Variants in GPR55 observed in about 807,000 individuals in gnomAD.
GPR55 encodes G protein-coupled receptor 55.
A neutral mutation model predicts 7.9 loss-of-function variants in GPR55; 6 were observed. That is an observed-to-expected ratio of 0.76 (90% CI 0.41 to 1.49). The LOEUF (loss-of-function observed/expected upper bound fraction) is 1.49, where lower values mean the gene tolerates loss of function less well. GPR55 is among the 40% of genes most tolerant of loss of function. The pLI is 0.01. For missense variants in GPR55, 376 were observed against 406.0 expected (o/e 0.93, Z 0.63); for synonymous variants, 183 against 166.8 (o/e 1.10, Z -0.75).
At chr2:230,921,729 T>C (rs1212104655) in intron 1 of GPR55, among the ~76,000 whole-genome samples, 1 of 152,046 alleles carries the variant, frequency 6.6e-6, no homozygotes, top group East Asian at 1.9e-4. Context: ...ATCCTGGAAG[T>C]GGAATGGGAG....
intron 1 of GPR55, among the ~76,000 whole-genome samples, chr2:230,940,561 C>A (rs972658326): frequency 2.0e-5 from 3 of 152,194 alleles, no homozygotes; most frequent in Admixed American, 6.5e-5. Context: ...TAGGGAGGAG[C>A]CAGTCCACAC....
intron 1 of GPR55, among the ~76,000 whole-genome samples, chr2:230,943,331 C>T (rs1691262742): frequency 6.6e-6 from 1 of 152,184 alleles, no homozygotes; most frequent in Admixed American, 6.5e-5. Flanking sequence ...CCTTCCAGAG[C>T]AGCCCCTCCT....
At chr2:230,919,576 A>G (rs2918006) in intron 1 of GPR55, among the ~76,000 whole-genome samples, 18,213 of 152,230 alleles carry the variant, frequency 0.12, 1,108 homozygotes, top group Middle Eastern at 0.16. Flanking sequence ...TATGCTAGTA[A>G]GTGTACAAAT....
intron 1 of GPR55, among the ~76,000 whole-genome samples, chr2:230,937,588 T>A (rs1415593016): frequency 6.6e-6 from 1 of 151,714 alleles, no homozygotes; most frequent in Non-Finnish European, 1.5e-5. Context: ...AGCTTTTTGC[T>A]GGAGTGCTGA....
Position 230,944,751 on chromosome 2 carries a change from A to G in GPR55, c.-135+16024T>C, listed in dbSNP as rs906334522. 5.3e-5 allele frequency among the ~76,000 whole-genome samples: 8 copies of G among 152,302 alleles called. No homozygotes were observed. The South Asian group carries it at 1.2e-3, about 24-fold the overall frequency. The stretch of plus-strand genomic sequence containing the variant: ...TACCAGAAAAATTAAAAATAAAAAT[A>G]ACAAATTCACATTCCGCTTGTTCAT... On this transcript the variant is annotated intron_variant, in intron 1 of 1. Transcript: ENST00000392039. The surrounding 1 kb of genome is among the most constrained non-coding windows in gnomAD (Gnocchi z 4.2).
At chr2:230,955,156 A>G (rs749185549) in intron 1 of GPR55, among the ~76,000 whole-genome samples, 1 of 152,244 alleles carries the variant, frequency 6.6e-6, no homozygotes, top group Non-Finnish European at 1.5e-5. Context: ...TATGATCTCC[A>G]TCTACTTTGA....
intron 1 of GPR55, among the ~76,000 whole-genome samples, chr2:230,932,890 T>TGCGC (rs139047615): frequency 0.011 from 1,636 of 152,198 alleles, 18 homozygotes; most frequent in African/African-American, 0.036. Flanking sequence ...CTCTCTTGCA[T>TGCGC]GCGCTCGCTC....
At chr2:230,920,390 G>A (rs1246013812) in intron 1 of GPR55, among the ~76,000 whole-genome samples, 3 of 152,098 alleles carry the variant, frequency 2.0e-5, no homozygotes, top group Non-Finnish European at 4.4e-5. Context: ...GGCTGGGAAC[G>A]AAGCATGAAG....
At chr2:230,941,542 T>C (rs1357447979) in intron 1 of GPR55, among the ~76,000 whole-genome samples, 1 of 152,174 alleles carries the variant, frequency 6.6e-6, no homozygotes, top group African/African-American at 2.4e-5. Flanking sequence ...CTTCCCTCCC[T>C]GGGACCACCA....
intron 1 of GPR55, among the ~76,000 whole-genome samples, chr2:230,911,827 G>A (rs768060417): frequency 6.6e-6 from 1 of 152,170 alleles, no homozygotes; most frequent in Admixed American, 6.5e-5. Context: ...ATTAGAAGTG[G>A]CCTCAGGGAC....
intron 1 of GPR55, among the ~76,000 whole-genome samples, chr2:230,956,719 T>C (rs1691487957): frequency 1.3e-5 from 2 of 152,226 alleles, no homozygotes; most frequent in Non-Finnish European, 2.9e-5. Flanking sequence ...TATTATCTCA[T>C]AATCTGTATT....
intron 1 of GPR55, among the ~76,000 whole-genome samples, chr2:230,918,253 T>C (rs1329790262): frequency 6.6e-6 from 1 of 152,110 alleles, no homozygotes; most frequent in Non-Finnish European, 1.5e-5. Flanking sequence ...TAACTAGAAA[T>C]AAGAAAGAAG....
rs574763727 is a variant in GPR55 at position 230,923,037 on chromosome 2, C to T, written c.-135+2131G>A. Among the ~76,000 whole-genome samples, 11 of 152,326 alleles carry T rather than the reference C, an allele frequency of 7.2e-5. No individual in the cohort carries two copies. The highest frequency in any genetic ancestry group is 2.6e-4 in the African/African-American group (11 of 41,570). ...TTCTTAATTGCTGACTCTACACATT[C>T]TGCAGCTGGGATTCCCGCAACTGCC... On this transcript the variant is annotated intron_variant, in intron 1 of 1. Coordinates refer to ENST00000650999, the MANE Select transcript of GPR55 (RefSeq NM_005683.4). The surrounding 1 kb of genome is among the most constrained non-coding windows in gnomAD (Gnocchi z 4.1).
At chr2:230,950,959 G>A (rs542531532) in intron 1 of GPR55, among the ~76,000 whole-genome samples, 44 of 152,262 alleles carry the variant, frequency 2.9e-4, no homozygotes, top group Non-Finnish European at 4.9e-4. Context: ...CTGAGCACAC[G>A]GAGGTTCCTG....
At chr2:230,930,449 T>C (rs1015769047) in intron 1 of GPR55, among the ~76,000 whole-genome samples, 3 of 151,846 alleles carry the variant, frequency 2.0e-5, no homozygotes, top group Non-Finnish European at 2.9e-5. Flanking sequence ...GTTTTGTTTT[T>C]CTTTTCTTTC....
intron 1 of GPR55, among the ~76,000 whole-genome samples, chr2:230,948,172 T>A (rs1440316787): frequency 2.0e-5 from 3 of 151,684 alleles, no homozygotes; most frequent in Admixed American, 6.6e-5. Context: ...TTGGTCTGTG[T>A]CTCCCGCAGG....
At chr2:230,956,897 C>A (rs185013967) in intron 1 of GPR55, among the ~76,000 whole-genome samples, 1 of 151,752 alleles carries the variant, frequency 6.6e-6, no homozygotes, top group East Asian at 1.9e-4. Flanking sequence ...CTAATTACTG[C>A]CTCATGATGT....
At chr2:230,918,284 G>A (rs770279299) in intron 1 of GPR55, among the ~76,000 whole-genome samples, 16 of 152,162 alleles carry the variant, frequency 1.1e-4, no homozygotes, top group Non-Finnish European at 2.1e-4. Context: ...GAGTTAGAGA[G>A]GAGAGCAAAA....
chr2:230,915,465 T>A (rs1173166025), intron 1 of GPR55, among the ~76,000 whole-genome samples: 1 of 152,058 alleles, frequency 6.6e-6, no homozygotes, highest in African/African-American at 2.4e-5. Context: ...GAAGTAGCAT[T>A]GAGTGGGCAA....
Sources: allele counts gnomAD v4.1 joint callset (sites outside exome capture counted in the v4.1 genomes callset), GRCh38; gene constraint gnomAD v4.1.1; non-coding constraint Gnocchi (gnomAD v3.1); transcripts MANE v1.5; gene names NCBI Gene and HGNC (gene_info 2026-07-23, HGNC 2026-07-21).